The following MARS1 variants were observed in gnomAD, a reference collection of about 807,000 sequenced individuals.
The protein encoded by MARS1 is methionyl-tRNA synthetase 1.
Under a neutral mutation model 119.5 loss-of-function variants are expected in MARS1, and 80 were observed. The ratio of observed to expected loss-of-function variants is 0.67; its 90% CI spans 0.56 to 0.81. The LOEUF (loss-of-function observed/expected upper bound fraction) is 0.81, where lower values mean the gene tolerates loss of function less well. Among genes scored for constraint, MARS1 ranks in the 30% least tolerant of loss-of-function variants. The probability of loss-of-function intolerance (pLI) is 0.00; values close to 1 mark genes in which losing one functional copy is unlikely to be tolerated. For synonymous variants in MARS1, 418 were observed against 433.4 expected (o/e 0.96, Z 0.44); for missense variants, 945 against 1,116.5 (o/e 0.85, Z 2.19).
At chr12:57,501,704 C>G (rs1055908794) in intron 10 of MARS1, among the ~76,000 whole-genome samples, 1 of 152,114 alleles carries the variant, frequency 6.6e-6, no homozygotes, top group African/African-American at 2.4e-5. Context: ...CCCCTGTAAT[C>G]CCCGCTTCTT....
At chr12:57,494,305 A>G (rs1469118860) in intron 7 of MARS1, among the ~76,000 whole-genome samples, 1 of 148,760 alleles carries the variant, frequency 6.7e-6, no homozygotes, top group Admixed American at 6.8e-5. Context: ...TTTAATACTA[A>G]GCACTTACTT....
At chr12:57,503,522 G>A (rs994789054) in intron 10 of MARS1, among the ~76,000 whole-genome samples, 6 of 151,182 alleles carry the variant, frequency 4.0e-5, no homozygotes, top group Admixed American at 6.6e-5. Context: ...CGTGAGCCAC[G>A]GTGCTCAGCC....
intron 11 of MARS1, among the ~76,000 whole-genome samples, chr12:57,510,781 A>T (rs188852824): frequency 1.1e-3 from 168 of 151,876 alleles, no homozygotes; most frequent in Non-Finnish European, 1.7e-3. Flanking sequence ...AAAAAAGAAA[A>T]AATTGGTTGG....
At chr12:57,495,480 G>T (rs1311929593) in intron 7 of MARS1, among the ~76,000 whole-genome samples, 1 of 151,754 alleles carries the variant, frequency 6.6e-6, no homozygotes, top group African/African-American at 2.4e-5. Context: ...TCCTAGACAG[G>T]TTGACGGCGG....
At chr12:57,499,936 G>C (rs1184487893) in intron 9 of MARS1, among the ~76,000 whole-genome samples, 3 of 152,174 alleles carry the variant, frequency 2.0e-5, no homozygotes, top group Admixed American at 2.0e-4. Context: ...TTACATAGTA[G>C]ACAGGCCGCC....
intron 18 of MARS1, 168 bp downstream of exon 18, chr12:57,515,504 A>G (rs1877758446): frequency 1.5e-6 from 1 of 656,170 alleles, no homozygotes; most frequent in Admixed American, 3.0e-5. Flanking sequence ...TTATCTGTAC[A>G]TCTTCATTGT....
intron 7 of MARS1, among the ~76,000 whole-genome samples, chr12:57,493,784 ATATAT>A (rs1291225556): frequency 0.045 from 83 of 1,840 alleles, 20 homozygotes; most frequent in South Asian, 0.091. Context: ...AATATATATT[ATATAT>A]TATATATTAT....
chr12:57,515,422 C>T, intron 18 of MARS1, 86 bp downstream of exon 18: 8 of 1,337,054 alleles, frequency 6.0e-6, no homozygotes, highest in Non-Finnish European at 8.2e-6. Flanking sequence ...AACATCTCTC[C>T]AGTGTTACTT....
At chr12:57,501,526 A>C (rs1014162523) in intron 10 of MARS1, among the ~76,000 whole-genome samples, 3 of 152,236 alleles carry the variant, frequency 2.0e-5, no homozygotes, top group African/African-American at 7.2e-5. Context: ...TCTCTACTGA[A>C]AATACAGAAA....
intron 1 of MARS1, chr12:57,488,678 C>A: frequency 6.5e-7 from 1 of 1,545,296 alleles, no homozygotes; most frequent in South Asian, 1.2e-5. Flanking sequence ...CTTCTCAGTT[C>A]TTTTAATTTT....
rs1491258934 is a variant in MARS1 at position 57,493,438 on chromosome 12, T to TAATATAA, written c.770+2794_770+2795insAATATAA. On this transcript the variant is annotated intron_variant, in intron 7 of 20. Transcript: ENST00000262027. ...TATATTATATGATATGTATAATATATTACATAATATATAATATATTATAAT... is the reference window on the plus strand; with the variant it reads ...TATATTATATGATATGTATAATATATAATATAATACATAATATATAATATATTATAAT... Among the ~76,000 whole-genome samples the TAATATAA allele has an allele frequency of 7.8e-3, 14 of 1,792 alleles. 7 individuals are homozygous for TAATATAA. Among genetic ancestry groups the TAATATAA allele is most frequent in the South Asian group, 0.14 (2 of 14 alleles). The allele number at this position is 1,792 out of a possible 152,430, so 1.2% of individuals were successfully genotyped here.
chr12:57,490,780 CTTTTTTTTTTTTT>C (rs35674919), intron 7 of MARS1, 136 bp downstream of exon 7: 4 of 255,600 alleles, frequency 1.6e-5, no homozygotes, highest in Admixed American at 1.3e-4. Flanking sequence ...TCTTACATCT[CTTTTTTTTTTTTT>C]TTTTTTTTTT....
At chr12:57,502,570 G>A (rs1196693353) in intron 10 of MARS1, among the ~76,000 whole-genome samples, 4 of 151,966 alleles carry the variant, frequency 2.6e-5, no homozygotes, top group African/African-American at 2.4e-5. Context: ...GCTGAGTGTG[G>A]TGGTGCGTGC....
chr12:57,498,733 C>A, intron 9 of MARS1, 110 bp downstream of exon 9: 1 of 960,318 alleles, frequency 1.0e-6, no homozygotes, highest in Non-Finnish European at 1.7e-6. Context: ...CACTCCTAAA[C>A]TTAGGATCTC....
intron 7 of MARS1, among the ~76,000 whole-genome samples, chr12:57,493,704 A>ATT (rs1486905347): frequency 9.8e-4 from 1 of 1,024 alleles, no homozygotes; most frequent in African/African-American, 2.0e-3. Flanking sequence ...TATATATTAT[A>ATT]ATATATTATA....
chr12:57,516,229 C>T lies in MARS1; in HGVS notation c.2464-16C>T. On this transcript the variant is annotated splice_polypyrimidine_tract_variant and intron_variant, in intron 19 of 20. Coordinates refer to ENST00000262027, the MANE Select transcript of MARS1 (RefSeq NM_004990.4). ...GGATATTTATGGTTGCTGGTGATAA[C>T]TTTGTTGTTCTCCAGGCAAAAACGT... 1.9e-6 allele frequency: 3 copies of T among 1,611,662 alleles called. No homozygotes were observed. The highest frequency in any genetic ancestry group is 2.5e-6 in the Non-Finnish European group (3 of 1,177,790).
At chr12:57,513,136 T>G (rs1473416621) in intron 15 of MARS1, among the ~76,000 whole-genome samples, 172 bp downstream of exon 15, 1 of 152,230 alleles carries the variant, frequency 6.6e-6, no homozygotes, top group Non-Finnish European at 1.5e-5. Flanking sequence ...AGGCTATGTG[T>G]GCTTGATGGA....
At chr12:57,510,711 G>A (rs575935631) in intron 11 of MARS1, among the ~76,000 whole-genome samples, 133 of 152,036 alleles carry the variant, frequency 8.7e-4, no homozygotes, top group Admixed American at 1.6e-3. Flanking sequence ...CAGGAGGATC[G>A]CTGGAAGCCA....
At chr12:57,509,454 T>C (rs1188994032) in intron 11 of MARS1, among the ~76,000 whole-genome samples, 1 of 152,204 alleles carries the variant, frequency 6.6e-6, no homozygotes, top group South Asian at 2.1e-4. Context: ...TCACCTAGGC[T>C]GGAGTGCAGT....
Sources: allele counts gnomAD v4.1 joint callset (sites outside exome capture counted in the v4.1 genomes callset), GRCh38; gene constraint gnomAD v4.1.1; transcripts MANE v1.5; gene names NCBI Gene and HGNC (gene_info 2026-07-23, HGNC 2026-07-21).